DHRS1: variants seen among roughly 807,000 people sequenced by gnomAD.
The protein encoded by DHRS1 is dehydrogenase/reductase 1.
In DHRS1, 34 loss-of-function variants were observed where a neutral mutation model predicts 35.2. The observed-to-expected ratio is 0.97, with a 90% CI of 0.74 to 1.29. The LOEUF is 1.29. Among genes scored for constraint, DHRS1 ranks in the 50% most tolerant of loss-of-function variants. The pLI, the probability that DHRS1 is intolerant of heterozygous loss-of-function variation, is 0.00. For missense variants in DHRS1, 354 were observed against 403.6 expected, an observed-to-expected ratio of 0.88 and a Z score of 1.05; for synonymous variants, 133 against 160.0, an observed-to-expected ratio of 0.83 and a Z score of 1.27.
chr14:24,299,159 A>T, intron 1 of DHRS1, 29 bp from the exon 2 acceptor site: 1 of 1,577,994 alleles, frequency 6.3e-7, no homozygotes, highest in South Asian at 1.1e-5. Flanking sequence ...ACTCTGAGGG[A>T]AGCCTGGAGA....
chr14:24,291,026 T>G, intron 8 of DHRS1, 31 bp from the exon 9 acceptor site: 1 of 1,613,638 alleles, frequency 6.2e-7, no homozygotes, highest in Non-Finnish European at 8.5e-7. Context: ...AGGATTAGAT[T>G]CTCATTTCCC....
intron 6 of DHRS1, 47 bp from the exon 7 acceptor site, chr14:24,291,672 T>A: frequency 6.4e-7 from 1 of 1,560,588 alleles, no homozygotes; most frequent in Non-Finnish European, 8.8e-7. Flanking sequence ...CCAAGAGCAC[T>A]GCCCAGGTCT....
In DHRS1 at chr14:24,296,785, G is replaced by C; in HGVS notation, c.247C>G (p.Gln83Glu). The change falls in exon 3 of 9, where the codon CAA becomes GAA. Residue 83 changes from glutamine to glutamate, a missense_variant. Coordinates refer to ENST00000288111, the MANE Select transcript of DHRS1 (RefSeq NM_001136050.3). Reference sequence around the variant, plus strand: ...TTGACCAGCACATCTAGACGCCCTTGCTGTTCCCGATCCACTTGCTCAAAC... The same window carrying C: ...TTGACCAGCACATCTAGACGCCCTTCCTGTTCCCGATCCACTTGCTCAAAC... Reference protein sequence around the residue: ...SLFEQVDREQQGRLDVLVNNA... With the variant: ...SLFEQVDREQEGRLDVLVNNA... 6.2e-7 allele frequency: 1 copy of C among 1,614,228 alleles called. No individual in the cohort carries two copies. The highest frequency in any genetic ancestry group is 1.1e-5 in the South Asian group (1 of 91,090).
chr14:24,292,854 G>T, intron 4 of DHRS1, 70 bp from the exon 5 acceptor site: 1 of 1,527,152 alleles, frequency 6.5e-7, no homozygotes. Context: ...AGCCTCTGGC[G>T]GCTTCCCCTG....
intron 4 of DHRS1, chr14:24,293,016 C>T (rs8003991): frequency 2.0e-5 from 10 of 506,714 alleles, no homozygotes; most frequent in Admixed American, 1.2e-4. Flanking sequence ...AGAAATGGAA[C>T]GCAAGAGCCC....
rs1272681273 is a variant in DHRS1 at position 24,291,549 on chromosome 14, A to T, written c.724+7T>A. 1.2e-6 allele frequency: 2 copies of T among 1,613,962 alleles called. No individual in the cohort carries two copies. Among genetic ancestry groups the T allele is most frequent in the African/African-American group, 2.7e-5 (2 of 74,894 alleles). On this transcript the variant is annotated splice_region_variant and intron_variant, in intron 7 of 8. Coordinates refer to ENST00000288111, the MANE Select transcript of DHRS1 (RefSeq NM_001136050.3). ...CTTTCTTATTACCAGCTGCCCCCAA[A>T]CTTCACCTGTTGCCAAAGCCACCAC...
intron 6 of DHRS1, 132 bp downstream of exon 6, chr14:24,292,052 A>T: frequency 8.9e-7 from 1 of 1,126,970 alleles, no homozygotes; most frequent in Non-Finnish European, 1.3e-6. Flanking sequence ...TAAAGGAAAT[A>T]ATGTGTGTCC....
Position 24,292,257 on chromosome 14 carries a change from C to G in DHRS1, c.581G>C (p.Gly194Ala), listed in dbSNP as rs2041170997. Residue 194 changes from glycine to alanine, a missense_variant, in exon 6 of 9, where the codon GGG becomes GCG. Gly to Ala is a moderately conservative substitution (Grantham distance 60). Transcript: ENST00000288111. Reference sequence around the variant, plus strand: ...CTTCAGCAGTTCTGTCTGCACAATCCCCGGCCACAGAGACACACAGCTGAC... The same window carrying G: ...CTTCAGCAGTTCTGTCTGCACAATCGCCGGCCACAGAGACACACAGCTGAC... ...HGVSCVSLWP[G>A]IVQTELLKEH... The G allele has an allele frequency of 6.2e-7, 1 of 1,614,062 alleles. No individual in the cohort carries two copies. Among genetic ancestry groups the G allele is most frequent in the Admixed American group, 1.7e-5 (1 of 60,002 alleles).
chr14:24,292,547 G>C, intron 5 of DHRS1, 105 bp downstream of exon 5: 9 of 1,592,676 alleles, frequency 5.7e-6, no homozygotes, highest in Non-Finnish European at 7.7e-6. Flanking sequence ...GAGGAGCTGA[G>C]AGGAGCCAGC....
chr14:24,296,795 A>ATCCACTTGCG lies in DHRS1; in HGVS notation c.236_237insCGCAAGTGGA (p.Arg80AlafsTer30). ...CATCTAGACGCCCTTGCTGTTCCCG[A>ATCCACTTGCG]TCCACTTGCTCAAACAGGCTTCGCA... On this transcript the variant is annotated frameshift_variant, in exon 3 of 9. Transcript: ENST00000288111. LOFTEE classifies it high-confidence loss of function. 1 of 1,614,198 alleles carries ATCCACTTGCG rather than the reference A, an allele frequency of 6.2e-7. No individual in the cohort carries two copies. The highest frequency in any genetic ancestry group is 8.5e-7 in the Non-Finnish European group (1 of 1,180,036).
chr14:24,297,865 A>T (rs1338372854), intron 2 of DHRS1, among the ~76,000 whole-genome samples: 1 of 151,494 alleles, frequency 6.6e-6, no homozygotes, highest in East Asian at 1.9e-4. Context: ...AGAACCACCT[A>T]CCTCCTCCAG....
chr14:24,291,623 G>C lies in DHRS1; in HGVS notation c.657C>G (p.Phe219Leu). ...TTTCCGCAGATGAGAAGGCTGATTT[G>C]AACTGAAACACAGGGGCAGAGAAGT... ...EVLQDPVLKQ[F>L]KSAFSSAETT... Residue 219 changes from phenylalanine to leucine, a missense_variant and splice_region_variant, in exon 7 of 9, where the codon TTC becomes TTG. Transcript: ENST00000288111. The C allele has an allele frequency of 6.2e-7, 1 of 1,614,176 alleles. No individual in the cohort carries two copies. Among genetic ancestry groups the C allele is most frequent in the South Asian group, 1.1e-5 (1 of 91,082 alleles).
chr14:24,293,870 A>G (rs114823983), intron 4 of DHRS1: 150 of 152,342 alleles, frequency 9.8e-4, no homozygotes, highest in African/African-American at 3.5e-3. Flanking sequence ...ATAATAGTTA[A>G]AAGAATGCAA....
intron 4 of DHRS1, 64 bp downstream of exon 4, chr14:24,296,445 A>C: frequency 6.6e-7 from 1 of 1,509,552 alleles, no homozygotes; most frequent in Non-Finnish European, 9.2e-7. Context: ...ATGTAAGGAA[A>C]GGCCTGGCCG....
chr14:24,297,020 A>C, intron 2 of DHRS1, 139 bp from the exon 3 acceptor site: 18 of 1,137,376 alleles, frequency 1.6e-5, no homozygotes, highest in Non-Finnish European at 1.9e-5. Context: ...CATGGCAGGC[A>C]ACGCTGCCCT....
chr14:24,299,766 G>C lies in DHRS1; in HGVS notation c.-210C>G. The C allele has an allele frequency of 1.5e-6, 1 of 649,218 alleles. No homozygotes were observed. Among genetic ancestry groups the C allele is most frequent in the East Asian group, 2.9e-5 (1 of 34,118 alleles). The allele number at this position is 649,218 out of a possible 1,614,324, so 40.2% of individuals were successfully genotyped here. On this transcript the variant is annotated 5_prime_UTR_variant, in exon 1 of 9. Coordinates refer to ENST00000288111, the MANE Select transcript of DHRS1 (RefSeq NM_001136050.3). Reference sequence around the variant, plus strand: ...AGGCCAAAGTTAGAACCTGCGGATGGGGGCGGAGCGATCTGGGTGACACAC... The same window carrying C: ...AGGCCAAAGTTAGAACCTGCGGATGCGGGCGGAGCGATCTGGGTGACACAC...
In DHRS1 at chr14:24,291,165, C is replaced by A. The variant is rs756913740; in HGVS notation, c.779G>T (p.Arg260Leu). 1 of 1,614,026 alleles carries A rather than the reference C, an allele frequency of 6.2e-7. No homozygotes were observed. The change falls in exon 8 of 9, where the codon CGA (arginine) becomes CTA (leucine). Residue 260 changes from arginine to leucine, a missense_variant. By Grantham distance (102) the Arg-to-Leu change is moderately radical. Coordinates refer to ENST00000288111, the MANE Select transcript of DHRS1 (RefSeq NM_001136050.3). ...GTCCACATCCCGAAGGCCATAGCGTCGAGCAAGGTCACAGGATGGCAGCAC... is the reference window on the plus strand; with the variant it reads ...GTCCACATCCCGAAGGCCATAGCGTAGAGCAAGGTCACAGGATGGCAGCAC... The part of the protein sequence containing the change: ...GKVLPSCDLA[R>L]RYGLRDVDGR...
At chr14:24,291,109 C>A in intron 8 of DHRS1, 30 bp downstream of exon 8, 1 of 1,613,886 alleles carries the variant, frequency 6.2e-7, no homozygotes, top group South Asian at 1.1e-5. Context: ...GAACAGCAGT[C>A]AAGGCTGACT....
intron 1 of DHRS1, chr14:24,299,340 G>A: frequency 1.9e-6 from 1 of 519,558 alleles, no homozygotes; most frequent in Non-Finnish European, 3.5e-6. Flanking sequence ...GTGAAGAAGG[G>A]GCTGAGTGGG....
Sources: allele counts gnomAD v4.1 joint callset (sites outside exome capture counted in the v4.1 genomes callset), GRCh38; gene constraint gnomAD v4.1.1; transcripts MANE v1.5; gene names NCBI Gene and HGNC (gene_info 2026-07-23, HGNC 2026-07-21).